The following CHRNA9 variants were observed in gnomAD, a reference collection of about 807,000 sequenced individuals.
CHRNA9 encodes neuronal acetylcholine receptor subunit alpha-9.
In CHRNA9, 24 loss-of-function variants were observed where a neutral mutation model predicts 36.8. The observed-to-expected ratio is 0.65, with a 90% CI of 0.47 to 0.92. The LOEUF (loss-of-function observed/expected upper bound fraction) is 0.92, where lower values mean the gene tolerates loss of function less well. Ranked by LOEUF, CHRNA9 falls within the 40% of genes least tolerant of loss-of-function variation. The probability of loss-of-function intolerance (pLI) is 0.00; values close to 1 mark genes in which losing one functional copy is unlikely to be tolerated. For missense variants in CHRNA9, 610 were observed against 601.2 expected, an observed-to-expected ratio of 1.01 and a Z score of -0.15; for synonymous variants, 231 against 231.8, an observed-to-expected ratio of 1.00 and a Z score of 0.03.
intron 2 of CHRNA9, among the ~76,000 whole-genome samples, chr4:40,336,373 C>T (rs559532854): frequency 9.9e-5 from 15 of 152,100 alleles, no homozygotes; most frequent in Non-Finnish European, 1.8e-4. Flanking sequence ...AAGAAATGAT[C>T]TTGAATTAGG....
chr4:40,349,621 T>C (rs1712739808), intron 4 of CHRNA9: 2 of 553,430 alleles, frequency 3.6e-6, no homozygotes, highest in Admixed American at 6.2e-5. Flanking sequence ...GGTCTCTGGG[T>C]TTACACGAAA....
At position 40,354,229 on chromosome 4, in the gene CHRNA9, A is replaced by G. The variant is rs749967340; in HGVS notation, c.1149A>G (p.Lys383=). ...GCAAACTCCCAGAGTCTAACCTGAAAGCAGCCAGGAACAAAGACCTTTCCA... is the reference window on the plus strand; with the variant it reads ...GCAAACTCCCAGAGTCTAACCTGAAGGCAGCCAGGAACAAAGACCTTTCCA... ...VYSKLPESNL[K]AARNKDLSRK... Residue 383 remains lysine (K), a synonymous_variant, in exon 5 of 5, where the codon AAA becomes AAG. Coordinates refer to ENST00000310169, the MANE Select transcript of CHRNA9 (RefSeq NM_017581.4). 1 of 1,614,106 alleles carries G rather than the reference A, an allele frequency of 6.2e-7. No homozygotes were observed. The highest frequency in any genetic ancestry group is 2.2e-5 in the East Asian group (1 of 44,898).
At position 40,337,210 on chromosome 4, in the gene CHRNA9, G is replaced by A. The variant is rs199910277; in HGVS notation, c.211G>A (p.Asp71Asn). 1 of 1,614,112 alleles carries A rather than the reference G, an allele frequency of 6.2e-7. No homozygotes were observed. The highest frequency in any genetic ancestry group is 8.5e-7 in the Non-Finnish European group (1 of 1,179,960). ...QITLSQIKDM[D>N]ERNQILTAYL... ...AGCGACATCTGGATTCATTGTGTAG[G>A]ATGAAAGAAACCAAATTCTGACTGC... is the stretch of plus-strand genomic sequence containing the variant. The change falls in exon 3 of 5, where the codon GAT becomes AAT. Residue 71 changes from aspartate (D) to asparagine (N), a missense_variant and splice_region_variant. By Grantham distance (23) the Asp-to-Asn change is conservative. Transcript: ENST00000310169.
At position 40,353,885 on chromosome 4, in the gene CHRNA9, C is replaced by A. The variant is rs1026750887; in HGVS notation, c.899-94C>A. The A allele has an allele frequency of 3.5e-6, 4 of 1,157,870 alleles. No individual in the cohort carries two copies. In the African/African-American group the frequency reaches 4.6e-5, roughly 13 times the overall value. The allele number at this position is 1,157,870 out of a possible 1,614,324, so 71.7% of individuals were successfully genotyped here. A position where few individuals can be genotyped will look rare whatever the true frequency, so the allele number is the denominator to read the frequency against. ...AGCAAAATCACCTAATGACTAATAC[C>A]TTTCTCAGAATGTATCCCTGTTGTT... On this transcript the variant is annotated intron_variant, in intron 4 of 4. Coordinates refer to ENST00000310169, the MANE Select transcript of CHRNA9 (RefSeq NM_017581.4).
At position 40,335,335 on chromosome 4, in the gene CHRNA9, T is replaced by C. The variant is rs1262986819; in HGVS notation, c.-133T>C. The C allele has an allele frequency of 9.8e-6, 7 of 713,686 alleles. No individual in the cohort carries two copies. The highest frequency in any genetic ancestry group is 1.8e-5 in the Non-Finnish European group (7 of 399,718). 44.2% of individuals were successfully genotyped at this position (713,686 alleles called of 1,614,324 possible). Reference sequence around the variant, plus strand: ...CTCAGGATCTCGGTCCTGCATGCAATGCAAGCCTGAGCTCTCCCGCCATAA... The same window carrying C: ...CTCAGGATCTCGGTCCTGCATGCAACGCAAGCCTGAGCTCTCCCGCCATAA... On this transcript the variant is annotated 5_prime_UTR_variant, in exon 1 of 5. The change abolishes an upstream ATG in the 5' untranslated region. Coordinates refer to ENST00000310169, the MANE Select transcript of CHRNA9 (RefSeq NM_017581.4).
At chr4:40,344,944 T>C (rs1034421866) in intron 3 of CHRNA9, among the ~76,000 whole-genome samples, 1 of 152,172 alleles carries the variant, frequency 6.6e-6, no homozygotes, top group African/African-American at 2.4e-5. Context: ...GAGCAGAGTC[T>C]TGAAGGATGT....
At chr4:40,345,068 G>A (rs1712599775) in intron 3 of CHRNA9, among the ~76,000 whole-genome samples, 1 of 152,188 alleles carries the variant, frequency 6.6e-6, no homozygotes, top group African/African-American at 2.4e-5. Context: ...GAGTGGGAGT[G>A]AAGGAGACCA....
intron 3 of CHRNA9, among the ~76,000 whole-genome samples, chr4:40,343,866 C>G (rs1371730369): frequency 6.6e-6 from 1 of 152,096 alleles, no homozygotes; most frequent in Admixed American, 6.6e-5. Flanking sequence ...ATAATGCCCC[C>G]CTTAAAGATG....
chr4:40,353,333 A>G (rs961805714), intron 4 of CHRNA9, among the ~76,000 whole-genome samples: 4 of 152,158 alleles, frequency 2.6e-5, no homozygotes, highest in African/African-American at 9.7e-5. Flanking sequence ...TCTACTAAAA[A>G]TACAAAAATT....
chr4:40,339,279 C>CAAAAAAAA (rs61634062), intron 3 of CHRNA9, among the ~76,000 whole-genome samples: 4 of 71,160 alleles, frequency 5.6e-5, no homozygotes, highest in African/African-American at 1.7e-4. Context: ...GACTCCATCT[C>CAAAAAAAA]AAAAAAAAAA....
intron 3 of CHRNA9, among the ~76,000 whole-genome samples, chr4:40,339,631 C>G (rs2109679065): frequency 6.7e-6 from 1 of 148,340 alleles, no homozygotes; most frequent in African/African-American, 2.5e-5. Flanking sequence ...GCGCTCCAGT[C>G]CAGCCTGGGT....
chr4:40,336,789 T>A (rs1712336830), intron 2 of CHRNA9, among the ~76,000 whole-genome samples: 1 of 152,138 alleles, frequency 6.6e-6, no homozygotes, highest in Non-Finnish European at 1.5e-5. Flanking sequence ...CAATCTCAAT[T>A]TTTTAAAAAA....
intron 3 of CHRNA9, among the ~76,000 whole-genome samples, chr4:40,339,439 T>C (rs1712434097): frequency 6.6e-6 from 1 of 151,354 alleles, no homozygotes; most frequent in East Asian, 1.9e-4. Flanking sequence ...TCCCAGCACC[T>C]TGGGAGGCCG....
chr4:40,340,335 C>A (rs115621531), intron 3 of CHRNA9, among the ~76,000 whole-genome samples: 3,347 of 152,260 alleles, frequency 0.022, 118 homozygotes, highest in African/African-American at 0.076. Context: ...CTGCTCCTCT[C>A]TTCTCTTTTG....
At position 40,335,383 on chromosome 4, in the gene CHRNA9, T is replaced by C; in HGVS notation, c.-85T>C. 9.6e-7 allele frequency: 1 copy of C among 1,043,606 alleles called. No homozygotes were observed. Among genetic ancestry groups the C allele is most frequent in the South Asian group, 1.3e-5 (1 of 78,630 alleles). 64.6% of individuals were successfully genotyped at this position (1,043,606 alleles called of 1,614,324 possible). On this transcript the variant is annotated 5_prime_UTR_variant, in exon 1 of 5. Transcript: ENST00000310169. ...TAAGGCTGCAGCGGTGTGGGCTCCTTGTGCCCAGATCCTTTGTATTCATAG... is the reference window on the plus strand; with the variant it reads ...TAAGGCTGCAGCGGTGTGGGCTCCTCGTGCCCAGATCCTTTGTATTCATAG...
At chr4:40,352,607 C>G (rs1363251786) in intron 4 of CHRNA9, among the ~76,000 whole-genome samples, 1 of 151,952 alleles carries the variant, frequency 6.6e-6, no homozygotes, top group Non-Finnish European at 1.5e-5. Flanking sequence ...ATTTCTCTCT[C>G]TATCCTGTAA....
Position 40,337,268 on chromosome 4 carries a change from C to T in CHRNA9, c.269C>T (p.Ala90Val), listed in dbSNP as rs1425386205. Residue 90 changes from alanine (A) to valine (V), a missense_variant, in exon 3 of 5, where the codon GCC becomes GTC. Coordinates refer to ENST00000310169, the MANE Select transcript of CHRNA9 (RefSeq NM_017581.4). ...TGGATCCGCCAAATCTGGCACGATG[C>T]CTATCTCACGTGGGACCGAGATCAG... The part of the protein sequence containing the change: ...YLWIRQIWHD[A>V]YLTWDRDQYD... 1.2e-6 allele frequency: 2 copies of T among 1,614,022 alleles called. No homozygotes were observed. The highest frequency in any genetic ancestry group is 1.7e-6 in the Non-Finnish European group (2 of 1,180,024).
chr4:40,339,965 C>T (rs1377959574), intron 3 of CHRNA9, among the ~76,000 whole-genome samples: 1 of 152,180 alleles, frequency 6.6e-6, no homozygotes, highest in Non-Finnish European at 1.5e-5. Context: ...CTGTGCCCGG[C>T]CAGCATTCTG....
At chr4:40,340,973 C>CAAAAAAAAAAAA (rs543449903) in intron 3 of CHRNA9, among the ~76,000 whole-genome samples, 10 of 64,968 alleles carry the variant, frequency 1.5e-4, no homozygotes, top group Non-Finnish European at 2.1e-4. Flanking sequence ...ATAAGCTCTC[C>CAAAAAAAAAAAA]AAAAAAAAAA....
Sources: gnomAD v4.1 joint callset for allele counts (sites outside exome capture counted in the v4.1 genomes callset) on GRCh38, gnomAD v4.1.1 for gene constraint, MANE v1.5 for transcripts, NCBI Gene and HGNC (gene_info 2026-07-23, HGNC 2026-07-21) for gene names.